Variants in GJC1 observed in about 807,000 individuals in gnomAD.
GJC1 encodes gap junction gamma-1 protein.
A neutral mutation model predicts 29.3 loss-of-function variants in GJC1; 5 were observed. The ratio of observed to expected loss-of-function variants is 0.17; its 90% CI spans 0.09 to 0.36. The LOEUF is 0.36. Among genes scored for constraint, GJC1 ranks in the 10% least tolerant of loss-of-function variants. The probability of loss-of-function intolerance (pLI) is 1.00; values close to 1 mark genes in which losing one functional copy is unlikely to be tolerated. For missense variants in GJC1, 310 were observed against 496.2 expected, an observed-to-expected ratio of 0.62 and a Z score of 3.56; for synonymous variants, 177 against 183.3, an observed-to-expected ratio of 0.97 and a Z score of 0.28.
downstream of GJC1, chr17:44,794,893 T>C (rs1041284903): frequency 1.3e-5 from 2 of 152,146 alleles, no homozygotes; most frequent in African/African-American, 4.8e-5. Flanking sequence ...GGGGCTTCCT[T>C]AGGTTTTTCT....
At chr17:44,816,142 G>A (rs1597752642) in intron 1 of GJC1, among the ~76,000 whole-genome samples, 2 of 137,338 alleles carry the variant, frequency 1.5e-5, no homozygotes, top group African/African-American at 2.6e-5. Flanking sequence ...AAAAAAAGTT[G>A]CTTTTTTCTA....
chr17:44,829,650 G>A (rs1555561094), intron 1 of GJC1: 1 of 152,032 alleles, frequency 6.6e-6, no homozygotes, highest in Non-Finnish European at 1.5e-5. Flanking sequence ...GCGGCGAGGG[G>A]CGGCCCGGCT....
In GJC1 at chr17:44,799,414, C is replaced by T. The variant is rs751142651; in HGVS notation, c.*5213G>A. The T allele has an allele frequency of 6.6e-6, 1 of 152,088 alleles. No homozygotes were observed. The highest frequency in any genetic ancestry group is 1.5e-5 in the Non-Finnish European group (1 of 68,072). The allele number at this position is 152,088 out of a possible 1,614,324, so 9.4% of individuals were successfully genotyped here. A position where few individuals can be genotyped will look rare whatever the true frequency, so the allele number is the denominator to read the frequency against. On this transcript the variant is annotated 3_prime_UTR_variant, in exon 3 of 3. Transcript: ENST00000592524. ...AGAGAGGGGGTTTTACCATGTTGGC[C>T]AGGCTTGTTTCAAACTCCTGACCTC...
rs546820213 is a variant in GJC1, at chr17:44,811,395, T to C, written c.-96-3926A>G. ...CTGCACCTGGCCTTTTTTCTTTTTT[T>C]TTTTTTTTTTTGAGACAAAGTCTCT... On this transcript the variant is annotated intron_variant, in intron 1 of 2. Transcript: ENST00000592524. Among the ~76,000 whole-genome samples the C allele has an allele frequency of 2.2e-3, 322 of 147,434 alleles. 1 individual carries two copies. The highest frequency in any genetic ancestry group is 2.5e-3 in the Non-Finnish European group (167 of 67,106).
intron 1 of GJC1, among the ~76,000 whole-genome samples, chr17:44,810,114 G>C (rs974497194): frequency 5.3e-5 from 8 of 151,110 alleles, no homozygotes; most frequent in African/African-American, 1.7e-4. Flanking sequence ...CACCCGCCTC[G>C]GCCTCCCAAA....
chr17:44,804,929 C>A lies in GJC1; in HGVS notation c.889G>T (p.Asp297Tyr). Residue 297 changes from aspartate (D) to tyrosine (Y), a missense_variant, in exon 3 of 3, where the codon GAT becomes TAT. Physicochemically the swap from Asp to Tyr is radical, Grantham distance 160. Transcript: ENST00000592524. The part of the protein sequence containing the change: ...PPGYNIAVKP[D>Y]QIQYTELSNA... ...GACAGTTCGGTGTACTGGATTTGAT[C>A]TGGTTTGACAGCAATGTTATAGCCA... 6.2e-7 allele frequency: 1 copy of A among 1,614,166 alleles called. No individual in the cohort carries two copies. The highest frequency in any genetic ancestry group is 8.5e-7 in the Non-Finnish European group (1 of 1,180,030).
At chr17:44,818,200 C>T (rs1340406681) in intron 1 of GJC1, among the ~76,000 whole-genome samples, 4 of 151,580 alleles carry the variant, frequency 2.6e-5, no homozygotes, top group African/African-American at 9.7e-5. Context: ...GCGACAAGAG[C>T]GAAACTCTGT....
intron 1 of GJC1, among the ~76,000 whole-genome samples, chr17:44,809,791 T>G (rs1487001472): frequency 6.6e-6 from 1 of 152,130 alleles, no homozygotes; most frequent in African/African-American, 2.4e-5. Flanking sequence ...GGTCTTGAAC[T>G]CCTGACCTCA....
intron 1 of GJC1, among the ~76,000 whole-genome samples, chr17:44,821,828 T>C (rs530574336): frequency 6.6e-6 from 1 of 151,664 alleles, no homozygotes; most frequent in Non-Finnish European, 1.5e-5. Context: ...AACTTTAAAG[T>C]GCTTATATCC....
At chr17:44,829,726 G>C (rs1279533481) in intron 1 of GJC1, 3 of 152,014 alleles carry the variant, frequency 2.0e-5, no homozygotes, top group African/African-American at 7.2e-5. Context: ...AGTGCGCGCC[G>C]CTTCTGTCCG....
At chr17:44,817,305 T>G (rs1322064672) in intron 1 of GJC1, among the ~76,000 whole-genome samples, 2 of 152,166 alleles carry the variant, frequency 1.3e-5, no homozygotes, top group African/African-American at 4.8e-5. Context: ...AGTCTTGCAC[T>G]AGAGTTTGGA....
In GJC1 at chr17:44,821,727, AAC is replaced by A. The variant is rs1364982982; in HGVS notation, c.-97+8333_-97+8334del. 3.2e-3 allele frequency among the ~76,000 whole-genome samples: 315 copies of A among 99,512 alleles called. 12 individuals are homozygous for A. The highest frequency in any genetic ancestry group is 0.012 in the African/African-American group (302 of 25,366). 65.3% of individuals were successfully genotyped at this position (99,512 alleles called of 152,430 possible). A position where few individuals can be genotyped will look rare whatever the true frequency, so the allele number is the denominator to read the frequency against. ...AAAAAAAAAAAAAAAAAAAAAAAAC[AAC>A]AAAAAAACACCAACACCCATACCAT... On this transcript the variant is annotated intron_variant, in intron 1 of 2. Transcript: ENST00000592524.
chr17:44,819,277 G>T lies in GJC1; in HGVS notation c.-97+10785C>A, dbSNP rs185447061. On this transcript the variant is annotated intron_variant, in intron 1 of 2. Transcript: ENST00000592524. Reference sequence around the variant, plus strand: ...GACTACCTAATTATCTCATATAAATGGAATTATATATTTGTCTTTTTGTGT... The same window carrying T: ...GACTACCTAATTATCTCATATAAATTGAATTATATATTTGTCTTTTTGTGT... Among the ~76,000 whole-genome samples, 459 of 152,156 alleles carry T rather than the reference G, an allele frequency of 3.0e-3. 3 individuals carry two copies. Among genetic ancestry groups the T allele is most frequent in the African/African-American group, 0.011 (441 of 41,500 alleles).
At chr17:44,818,338 T>C (rs1253332326) in intron 1 of GJC1, among the ~76,000 whole-genome samples, 1 of 152,184 alleles carries the variant, frequency 6.6e-6, no homozygotes, top group Non-Finnish European at 1.5e-5. Flanking sequence ...GAACAAGCTT[T>C]CTTGGTAGCT....
At chr17:44,822,765 C>A (rs934001526) in intron 1 of GJC1, among the ~76,000 whole-genome samples, 11 of 151,066 alleles carry the variant, frequency 7.3e-5, no homozygotes, top group African/African-American at 2.7e-4. Flanking sequence ...TCACTTTGGA[C>A]AACACAATTC....
intron 1 of GJC1, among the ~76,000 whole-genome samples, chr17:44,824,044 T>C (rs1567715371): frequency 1.3e-5 from 2 of 149,928 alleles, no homozygotes; most frequent in South Asian, 4.2e-4. Context: ...AGTCTTGCTC[T>C]GTTGCCAGGC....
rs2049886736 is a variant in GJC1 at position 44,804,356 on chromosome 17, T to C, written c.*271A>G. ...TACAAAAACTGTTCAACAAGAATGA[T>C]TTAAATATGTCTGTTCTTCTCCAGA... is the stretch of plus-strand genomic sequence containing the variant. On this transcript the variant is annotated 3_prime_UTR_variant, in exon 3 of 3. Transcript: ENST00000592524. 2.5e-6 allele frequency: 1 copy of C among 395,118 alleles called. No homozygotes were observed. Among genetic ancestry groups the C allele is most frequent in the South Asian group, 6.3e-5 (1 of 15,908 alleles). 24.5% of individuals were successfully genotyped at this position (395,118 alleles called of 1,614,324 possible).
intron 1 of GJC1, among the ~76,000 whole-genome samples, chr17:44,822,196 C>CAG (rs1380327107): frequency 2.1e-5 from 1 of 47,564 alleles, no homozygotes; most frequent in Non-Finnish European, 4.1e-5. Flanking sequence ...GACTCCGTCT[C>CAG]AAAAAAAAAA....
In GJC1 at chr17:44,805,356, C is replaced by T; in HGVS notation, c.462G>A (p.Glu154=). 1 of 1,614,176 alleles carries T rather than the reference C, an allele frequency of 6.2e-7. No homozygotes were observed. The highest frequency in any genetic ancestry group is 8.5e-7 in the Non-Finnish European group (1 of 1,180,028). The change falls in exon 3 of 3, where the codon GAG becomes GAA. Residue 154 remains glutamate (E), a synonymous_variant. Coordinates refer to ENST00000592524, the MANE Select transcript of GJC1 (RefSeq NM_005497.4). The surrounding 1 kb of genome is among the most constrained non-coding windows in gnomAD (Gnocchi z 5.1). ...CATGCTTAGGTTTGGGTTGGCTCTG[C>T]TCTTTATTTTCCTTATCACTTTCTA... The part of the protein sequence containing the change: ...MELESDKENK[E]QSQPKPKHDG...
Sources: gnomAD v4.1 joint callset for allele counts (sites outside exome capture counted in the v4.1 genomes callset) on GRCh38, gnomAD v4.1.1 for gene constraint, Gnocchi (gnomAD v3.1) non-coding constraint, MANE v1.5 for transcripts, NCBI Gene and HGNC (gene_info 2026-07-23, HGNC 2026-07-21) for gene names.